The following USP34 variants were observed in gnomAD, a reference collection of about 807,000 sequenced individuals.
The protein encoded by USP34 is ubiquitin carboxyl-terminal hydrolase 34.
In USP34, 70 loss-of-function variants were observed where a neutral mutation model predicts 460.3. The ratio of observed to expected loss-of-function variants is 0.15; its 90% CI spans 0.13 to 0.19. The LOEUF is 0.19. Among genes scored for constraint, USP34 ranks in the 10% least tolerant of loss-of-function variants. USP34 has a pLI of 1.00. For synonymous variants in USP34, 1,647 were observed against 1,405.3 expected (o/e 1.17, Z -3.85); for missense variants, 3,985 against 4,236.2 (o/e 0.94, Z 1.65).
At chr2:61,437,818 A>AAATAAATAACC (rs1558594196) in intron 1 of USP34, among the ~76,000 whole-genome samples, 3 of 76,272 alleles carry the variant, frequency 3.9e-5, no homozygotes, top group Non-Finnish European at 6.0e-5. Flanking sequence ...AATAAATAAA[A>AAATAAATAACC]AACCTGAACA....
chr2:61,412,448 G>GT (rs1348566926), intron 2 of USP34, among the ~76,000 whole-genome samples: 16 of 152,042 alleles, frequency 1.1e-4, no homozygotes, highest in African/African-American at 3.9e-4. Context: ...GCACTGTAAT[G>GT]TATGCAAATA....
At chr2:61,333,411 T>G (rs1478200380) in intron 19 of USP34, among the ~76,000 whole-genome samples, 2 of 152,080 alleles carry the variant, frequency 1.3e-5, no homozygotes, top group African/African-American at 4.8e-5. Context: ...AGTGTCCTAC[T>G]GATGCTCCAA....
chr2:61,417,793 G>C (rs1694241283), intron 2 of USP34, among the ~76,000 whole-genome samples: 1 of 127,544 alleles, frequency 7.8e-6, no homozygotes, highest in African/African-American at 3.1e-5. Context: ...CCAGGCTGGA[G>C]TACAGTGGCG....
At position 61,227,166 on chromosome 2, in the gene USP34, T is replaced by TC; in HGVS notation, c.7495dup (p.Glu2499GlyfsTer17). 1 of 1,613,970 alleles carries TC rather than the reference T, an allele frequency of 6.2e-7. No individual in the cohort carries two copies. Among genetic ancestry groups the TC allele is most frequent in the Non-Finnish European group, 8.5e-7 (1 of 1,179,906 alleles). On this transcript the variant is annotated frameshift_variant, in exon 62 of 80. Transcript: ENST00000398571. LOFTEE classifies it high-confidence loss of function. ...TTCTTCTGCCAGAGAGAGGATATCT[T>TC]CTTCCTCCTCTTCTTCTTCCCCTTC...
chr2:61,313,281 T>C lies in USP34; in HGVS notation c.3542+1304A>G, dbSNP rs187274886. On this transcript the variant is annotated intron_variant, in intron 25 of 79. Transcript: ENST00000398571. ...AAAAATTTGTACATCTGAGAAGGAATTTTTGGACTTAAATTCATTAAATTT... is the reference window on the plus strand; with the variant it reads ...AAAAATTTGTACATCTGAGAAGGAACTTTTGGACTTAAATTCATTAAATTT... 8.4e-3 allele frequency among the ~76,000 whole-genome samples: 1,281 copies of C among 152,104 alleles called. 15 individuals carry two copies. The highest frequency in any genetic ancestry group is 0.014 in the Middle Eastern group (4 of 294).
In USP34 at chr2:61,383,407, G is replaced by A. The variant is rs1401498603; in HGVS notation, c.754-71C>T. The A allele has an allele frequency of 9.8e-6, 12 of 1,229,718 alleles. No individual in the cohort carries two copies. The Admixed American group carries it at 1.5e-4, about 15-fold the overall frequency. 76.2% of individuals were successfully genotyped at this position (1,229,718 alleles called of 1,614,324 possible). A position where few individuals can be genotyped will look rare whatever the true frequency, so the allele number is the denominator to read the frequency against. ...TACATATATCTTTCACTAAACTAATGAAAAACAAGAGCATTGGCCAGGCAC... is the reference window on the plus strand; with the variant it reads ...TACATATATCTTTCACTAAACTAATAAAAAACAAGAGCATTGGCCAGGCAC... On this transcript the variant is annotated intron_variant, in intron 5 of 79. Coordinates refer to ENST00000398571, the MANE Select transcript of USP34 (RefSeq NM_014709.4).
At chr2:61,455,023 A>G (rs1324043155) in intron 1 of USP34, among the ~76,000 whole-genome samples, 1 of 151,806 alleles carries the variant, frequency 6.6e-6, no homozygotes, top group Non-Finnish European at 1.5e-5. Flanking sequence ...CTGGGATTAC[A>G]GGCACACGCC....
At chr2:61,291,699 A>G (rs922742536) in intron 33 of USP34, among the ~76,000 whole-genome samples, 1 of 152,240 alleles carries the variant, frequency 6.6e-6, no homozygotes, top group South Asian at 2.1e-4. Context: ...TGTAAATGCT[A>G]GAAATCACAA....
chr2:61,251,123 G>C (rs1002249423), intron 48 of USP34, among the ~76,000 whole-genome samples: 5 of 152,050 alleles, frequency 3.3e-5, no homozygotes, highest in African/African-American at 1.2e-4. Flanking sequence ...GGGTGATCAA[G>C]CGAGACTCCA....
chr2:61,219,983 A>T (rs1303786827), intron 67 of USP34, among the ~76,000 whole-genome samples: 2 of 151,804 alleles, frequency 1.3e-5, no homozygotes, highest in Admixed American at 1.3e-4. Flanking sequence ...TTATGTCTTT[A>T]TTACCATTTT....
intron 29 of USP34, among the ~76,000 whole-genome samples, 184 bp downstream of exon 29, chr2:61,300,767 G>A (rs1280739685): frequency 1.3e-5 from 2 of 148,420 alleles, no homozygotes; most frequent in Non-Finnish European, 3.0e-5. Context: ...CTGCACTCCA[G>A]CCTGGTCAAC....
At chr2:61,295,919 C>A (rs1189674324) in intron 30 of USP34, among the ~76,000 whole-genome samples, 1 of 152,164 alleles carries the variant, frequency 6.6e-6, no homozygotes, top group Admixed American at 6.5e-5. Context: ...CTGTAGAGTT[C>A]TTTCGGAGAT....
intron 2 of USP34, among the ~76,000 whole-genome samples, chr2:61,415,003 A>C (rs1284597718): frequency 6.6e-6 from 1 of 152,152 alleles, no homozygotes; most frequent in Non-Finnish European, 1.5e-5. Context: ...AGGTAATTTC[A>C]ATTTTTCACC....
chr2:61,419,273 G>A (rs930753693), intron 2 of USP34, among the ~76,000 whole-genome samples: 1 of 151,712 alleles, frequency 6.6e-6, no homozygotes, highest in Non-Finnish European at 1.5e-5. Context: ...CTCCACCTCA[G>A]CCTCTCAAAA....
chr2:61,345,186 A>C (rs972137037), intron 15 of USP34, among the ~76,000 whole-genome samples: 1 of 152,054 alleles, frequency 6.6e-6, no homozygotes, highest in Non-Finnish European at 1.5e-5. Context: ...AGGCAGGAGA[A>C]CCACTTGAAC....
intron 5 of USP34, among the ~76,000 whole-genome samples, chr2:61,389,535 C>G (rs571325073): frequency 7.9e-5 from 12 of 152,100 alleles, no homozygotes; most frequent in African/African-American, 2.9e-4. Flanking sequence ...TTTACTAAGT[C>G]CTTAATATTC....
intron 10 of USP34, among the ~76,000 whole-genome samples, chr2:61,367,402 C>A (rs967545004): frequency 3.9e-5 from 6 of 152,148 alleles, no homozygotes; most frequent in Non-Finnish European, 7.3e-5. Context: ...CTCACTTGAG[C>A]CCAGAAGTTC....
At chr2:61,384,536 G>A (rs1020901881) in intron 5 of USP34, among the ~76,000 whole-genome samples, 2 of 152,058 alleles carry the variant, frequency 1.3e-5, no homozygotes, top group African/African-American at 4.8e-5. Context: ...AGCCAGGCAT[G>A]GTGTCACATG....
chr2:61,190,507 G>A lies in USP34; in HGVS notation c.9729+11C>T, dbSNP rs1686606061. On this transcript the variant is annotated intron_variant, in intron 77 of 79. Transcript: ENST00000398571. Reference sequence around the variant, plus strand: ...AGAAATGACACACTGAGTTTCCAAAGTACTACGTACCTTTAGAAGGAAATG... The same window carrying A: ...AGAAATGACACACTGAGTTTCCAAAATACTACGTACCTTTAGAAGGAAATG... The A allele has an allele frequency of 6.2e-7, 1 of 1,612,138 alleles. No individual in the cohort carries two copies. Among genetic ancestry groups the A allele is most frequent in the Non-Finnish European group, 8.5e-7 (1 of 1,179,242 alleles).
Sources: allele counts gnomAD v4.1 joint callset (sites outside exome capture counted in the v4.1 genomes callset), GRCh38; gene constraint gnomAD v4.1.1; transcripts MANE v1.5; gene names NCBI Gene and HGNC (gene_info 2026-07-23, HGNC 2026-07-21).